PRKD1: variants seen among roughly 807,000 people sequenced by gnomAD.
The protein encoded by PRKD1 is protein kinase D1, also known as serine/threonine-protein kinase D1.
A neutral mutation model predicts 95.9 loss-of-function variants in PRKD1; 63 were observed. That is an observed-to-expected ratio of 0.66 (90% confidence interval 0.54 to 0.81). The LOEUF (loss-of-function observed/expected upper bound fraction) is 0.81, where lower values mean the gene tolerates loss of function less well. Among genes scored for constraint, PRKD1 ranks in the 30% least tolerant of loss-of-function variants. The probability of loss-of-function intolerance (pLI) is 0.00; values close to 1 mark genes in which losing one functional copy is unlikely to be tolerated. For synonymous variants in PRKD1, 425 were observed against 423.1 expected (o/e 1.00, Z -0.05); for missense variants, 1,048 against 1,165.3 (o/e 0.90, Z 1.47).
intron 1 of PRKD1, among the ~76,000 whole-genome samples, chr14:29,864,933 T>C (rs960860319): frequency 6.6e-6 from 1 of 152,158 alleles, no homozygotes; most frequent in Non-Finnish European, 1.5e-5. Context: ...AATAATTGTA[T>C]CAGGTTTTCC....
chr14:29,741,418 G>T (rs1886974738), intron 1 of PRKD1, among the ~76,000 whole-genome samples: 1 of 151,956 alleles, frequency 6.6e-6, no homozygotes, highest in Non-Finnish European at 1.5e-5. Flanking sequence ...ATACCTGTTT[G>T]TATGTTTATT....
intron 2 of PRKD1, among the ~76,000 whole-genome samples, chr14:29,710,359 G>T (rs1241533169): frequency 6.6e-6 from 1 of 152,132 alleles, no homozygotes; most frequent in African/African-American, 2.4e-5. Context: ...GTGATGTCAT[G>T]TGGATATCAT....
At chr14:29,620,592 C>T (rs367773485) in intron 13 of PRKD1, among the ~76,000 whole-genome samples, 7 of 149,416 alleles carry the variant, frequency 4.7e-5, no homozygotes, top group Admixed American at 6.7e-5. Context: ...TCATCACTGG[C>T]CATCAGAGAA....
intron 1 of PRKD1, among the ~76,000 whole-genome samples, chr14:29,771,626 A>G (rs142682775): frequency 1.5e-3 from 226 of 152,240 alleles, no homozygotes; most frequent in African/African-American, 5.3e-3. Flanking sequence ...GGCAATGCCC[A>G]GTGAAGCCAT....
intron 1 of PRKD1, among the ~76,000 whole-genome samples, chr14:29,850,485 C>T (rs1056577088): frequency 3.4e-5 from 5 of 146,404 alleles, no homozygotes; most frequent in African/African-American, 7.9e-5. Flanking sequence ...CACACATATA[C>T]ACACACACAC....
intron 1 of PRKD1, among the ~76,000 whole-genome samples, chr14:29,737,284 T>A (rs889195214): frequency 8.3e-6 from 1 of 120,676 alleles, no homozygotes. Context: ...ATTGCGCCAC[T>A]GCAGTCCGCA....
intron 1 of PRKD1, among the ~76,000 whole-genome samples, chr14:29,770,333 G>A (rs1888445666): frequency 6.6e-6 from 1 of 152,168 alleles, no homozygotes; most frequent in African/African-American, 2.4e-5. Flanking sequence ...GTAAAGGCTG[G>A]GAAAGTCTTG....
chr14:29,716,565 C>T (rs1885621817), intron 2 of PRKD1, among the ~76,000 whole-genome samples: 1 of 152,152 alleles, frequency 6.6e-6, no homozygotes, highest in Non-Finnish European at 1.5e-5. Context: ...AAGGCCATCT[C>T]CAGGGCCACC....
At chr14:29,875,164 T>C (rs1893242278) in intron 1 of PRKD1, among the ~76,000 whole-genome samples, 1 of 152,190 alleles carries the variant, frequency 6.6e-6, no homozygotes. Context: ...GGCAAATCTT[T>C]TAAATTTCCT....
At chr14:29,769,850 T>C (rs1268422696) in intron 1 of PRKD1, among the ~76,000 whole-genome samples, 1 of 152,248 alleles carries the variant, frequency 6.6e-6, no homozygotes, top group African/African-American at 2.4e-5. Flanking sequence ...CAATAAATTA[T>C]GTATTATAAA....
intron 1 of PRKD1, among the ~76,000 whole-genome samples, chr14:29,845,439 A>G (rs1892042833): frequency 6.6e-6 from 1 of 152,204 alleles, no homozygotes; most frequent in South Asian, 2.1e-4. Context: ...ATACTTTTAA[A>G]AATCGTTGCA....
chr14:29,653,882 G>A (rs1237179760), intron 4 of PRKD1, among the ~76,000 whole-genome samples: 2 of 152,176 alleles, frequency 1.3e-5, no homozygotes, highest in East Asian at 1.9e-4. Context: ...ATTAATATAT[G>A]AAAAGCCTTT....
intron 16 of PRKD1, among the ~76,000 whole-genome samples, chr14:29,594,964 T>G: frequency 6.6e-6 from 1 of 152,010 alleles, no homozygotes. Context: ...CAAGCATGAG[T>G]TCTGTTCATA....
At chr14:29,863,818 C>T (rs915252505) in intron 1 of PRKD1, among the ~76,000 whole-genome samples, 4 of 152,096 alleles carry the variant, frequency 2.6e-5, no homozygotes, top group Non-Finnish European at 5.9e-5. Context: ...ATGAAATACA[C>T]ACTTTTTCCC....
chr14:29,725,690 C>A lies in PRKD1; in HGVS notation c.265-16G>T, dbSNP rs1886107457. On this transcript the variant is annotated splice_polypyrimidine_tract_variant and intron_variant, in intron 1 of 17. Coordinates refer to ENST00000331968, the MANE Select transcript of PRKD1 (RefSeq NM_002742.3). ...ATTCAGGGAACTGCAAATACAAATA[C>A]CATGAGAGTGTAAATGTCAAAATCC... The A allele has an allele frequency of 1.2e-6, 2 of 1,609,202 alleles. No individual in the cohort carries two copies. The highest frequency in any genetic ancestry group is 1.3e-5 in the African/African-American group (1 of 74,698).
chr14:29,691,705 A>T (rs923135054), intron 2 of PRKD1, among the ~76,000 whole-genome samples: 1 of 152,178 alleles, frequency 6.6e-6, no homozygotes, highest in Non-Finnish European at 1.5e-5. Flanking sequence ...CAATAACAGC[A>T]TCTCCTACTA....
chr14:29,919,540 A>T (rs1895010447), intron 1 of PRKD1, among the ~76,000 whole-genome samples: 2 of 152,230 alleles, frequency 1.3e-5, no homozygotes, highest in South Asian at 4.1e-4. Flanking sequence ...AATGGCACAA[A>T]AATATTTGGT....
At chr14:29,777,126 C>A (rs939848012) in intron 1 of PRKD1, among the ~76,000 whole-genome samples, 2 of 152,282 alleles carry the variant, frequency 1.3e-5, no homozygotes, top group African/African-American at 4.8e-5. Flanking sequence ...GCCTGCCTTA[C>A]AAGAGCTCCT....
At chr14:29,762,989 C>T (rs1441262202) in intron 1 of PRKD1, among the ~76,000 whole-genome samples, 1 of 151,952 alleles carries the variant, frequency 6.6e-6, no homozygotes, top group Non-Finnish European at 1.5e-5. Flanking sequence ...AGCAATCCAC[C>T]CATCTCGGCC....
Sources: gnomAD v4.1 joint callset for allele counts (sites outside exome capture counted in the v4.1 genomes callset) on GRCh38, gnomAD v4.1.1 for gene constraint, MANE v1.5 for transcripts, NCBI Gene and HGNC (gene_info 2026-07-23, HGNC 2026-07-21) for gene names.